The following MAP3K20 variants were observed in gnomAD, a reference collection of about 807,000 sequenced individuals.
The protein encoded by MAP3K20 is HCCS-4.
MAP3K20 carries 40 observed loss-of-function variants against 85.7 expected under a neutral mutation model. That is an observed-to-expected ratio of 0.47 (90% CI 0.36 to 0.61). The LOEUF (loss-of-function observed/expected upper bound fraction) is 0.61. Ranked by LOEUF, MAP3K20 falls within the 20% of genes least tolerant of loss-of-function variation. The pLI is 0.00. For synonymous variants in MAP3K20, 325 were observed against 327.7 expected (o/e 0.99, Z 0.09); for missense variants, 817 against 961.7 (o/e 0.85, Z 1.99).
chr2:173,246,451 G>A (rs376362881), intron 16 of MAP3K20, among the ~76,000 whole-genome samples: 2 of 152,074 alleles, frequency 1.3e-5, no homozygotes, highest in African/African-American at 4.8e-5. Context: ...CCCCAGGGTG[G>A]CAACCACCCC....
chr2:173,234,102 T>C (rs1684590377), intron 14 of MAP3K20, among the ~76,000 whole-genome samples: 1 of 152,224 alleles, frequency 6.6e-6, no homozygotes, highest in Non-Finnish European at 1.5e-5. Flanking sequence ...AAAGAAATTT[T>C]GTAAATCTTG....
chr2:173,207,231 G>A (rs936248964), intron 9 of MAP3K20, among the ~76,000 whole-genome samples: 26 of 152,176 alleles, frequency 1.7e-4, no homozygotes, highest in African/African-American at 6.3e-4. Context: ...AGTGGCTCAC[G>A]TCTGTAATCC....
At chr2:173,219,036 G>C (rs1041675681) in intron 11 of MAP3K20, among the ~76,000 whole-genome samples, 1 of 151,998 alleles carries the variant, frequency 6.6e-6, no homozygotes, top group Admixed American at 6.6e-5. Flanking sequence ...TTTCTTTACA[G>C]TACTTGCTTT....
chr2:173,202,740 A>G (rs1307437379), intron 8 of MAP3K20, among the ~76,000 whole-genome samples: 1 of 152,212 alleles, frequency 6.6e-6, no homozygotes, highest in Admixed American at 6.5e-5. Context: ...CAGCAGCTAC[A>G]AATGCACCCG....
chr2:173,161,426 C>G (rs1260476647), intron 2 of MAP3K20, among the ~76,000 whole-genome samples: 3 of 152,222 alleles, frequency 2.0e-5, no homozygotes, highest in Non-Finnish European at 2.9e-5. Context: ...TTACTCTTCT[C>G]ACTGTACGGT....
At chr2:173,242,817 C>A (rs1035006019) in intron 16 of MAP3K20, among the ~76,000 whole-genome samples, 5 of 150,524 alleles carry the variant, frequency 3.3e-5, no homozygotes, top group Non-Finnish European at 7.4e-5. Flanking sequence ...AGCAATTCTC[C>A]TGCCTCAGCC....
At chr2:173,131,060 T>C (rs560144577) in intron 2 of MAP3K20, among the ~76,000 whole-genome samples, 86 of 152,318 alleles carry the variant, frequency 5.6e-4, no homozygotes, top group South Asian at 1.9e-3. Context: ...ACAGTTTTTG[T>C]CTGCCTCGAT....
At chr2:173,140,203 G>T (rs1244705369) in intron 2 of MAP3K20, among the ~76,000 whole-genome samples, 1 of 152,086 alleles carries the variant, frequency 6.6e-6, no homozygotes, top group Non-Finnish European at 1.5e-5. Context: ...GTAGAGATGG[G>T]ATTTTGCCAT....
intron 1 of MAP3K20, among the ~76,000 whole-genome samples, chr2:173,085,987 G>A (rs1687136442): frequency 6.6e-6 from 1 of 151,322 alleles, no homozygotes; most frequent in South Asian, 2.1e-4. Flanking sequence ...GTAGAGATGG[G>A]GTTTTGCCAT....
chr2:173,253,945 C>A (rs534400468), intron 16 of MAP3K20, among the ~76,000 whole-genome samples: 1 of 152,072 alleles, frequency 6.6e-6, no homozygotes, highest in East Asian at 1.9e-4. Flanking sequence ...GTGACACACG[C>A]CTGTGGTCCC....
chr2:173,242,931 T>C, intron 16 of MAP3K20, among the ~76,000 whole-genome samples: 1 of 152,044 alleles, frequency 6.6e-6, no homozygotes, highest in Admixed American at 6.6e-5. Flanking sequence ...GGTCTCGAGC[T>C]CCTGACCTCG....
intron 18 of MAP3K20, among the ~76,000 whole-genome samples, chr2:173,262,368 G>A (rs1685317031): frequency 6.6e-6 from 1 of 152,184 alleles, no homozygotes; most frequent in Non-Finnish European, 1.5e-5. Flanking sequence ...GGGAGGCCAA[G>A]GCGGGTGGAT....
At chr2:173,195,644 T>C (rs1690805337) in intron 7 of MAP3K20, among the ~76,000 whole-genome samples, 1 of 150,404 alleles carries the variant, frequency 6.6e-6, no homozygotes, top group Admixed American at 6.7e-5. Flanking sequence ...TTGTTTAGTG[T>C]GGAAAAAAAA....
chr2:173,254,358 T>A (rs7602590), intron 16 of MAP3K20, among the ~76,000 whole-genome samples: 2 of 147,128 alleles, frequency 1.4e-5, no homozygotes, highest in Admixed American at 1.4e-4. Flanking sequence ...GGTGTGAACC[T>A]AGGGGGTGGA....
At chr2:173,263,921 G>A in intron 19 of MAP3K20, 26 bp downstream of exon 19, 1 of 1,595,280 alleles carries the variant, frequency 6.3e-7, no homozygotes, top group Non-Finnish European at 8.5e-7. Context: ...CGTATTAGAT[G>A]TGTGCTAGAT....
At chr2:173,075,532 T>G, upstream of MAP3K20, 1 of 158,532 alleles carries the variant, frequency 6.3e-6, no homozygotes, top group Non-Finnish European at 1.4e-5. Context: ...ACAGCCTCTA[T>G]TTCTTTGCGT....
rs1274644433 is a variant in MAP3K20 at position 173,134,428 on chromosome 2, A to ATTTTTTTTTTTTTT, written c.160-35371_160-35358dup. On this transcript the variant is annotated intron_variant, in intron 2 of 19. Transcript: ENST00000375213. The stretch of plus-strand genomic sequence containing the variant: ...TATATATATATATATATATATATAT[A>ATTTTTTTTTTTTTT]TTTTTTTTTTTTTTTTTTTGCAGAG... Among the ~76,000 whole-genome samples the ATTTTTTTTTTTTTT allele has an allele frequency of 9.8e-3, 31 of 3,160 alleles. 5 individuals are homozygous for ATTTTTTTTTTTTTT. Among genetic ancestry groups the ATTTTTTTTTTTTTT allele is most frequent in the South Asian group, 0.036 (2 of 56 alleles). 2.1% of individuals were successfully genotyped at this position (3,160 alleles called of 152,430 possible). A position where few individuals can be genotyped will look rare whatever the true frequency, so the allele number is the denominator to read the frequency against.
intron 2 of MAP3K20, among the ~76,000 whole-genome samples, chr2:173,113,914 A>T (rs562533391): frequency 6.6e-6 from 1 of 151,654 alleles, no homozygotes; most frequent in East Asian, 1.9e-4. Flanking sequence ...ATTTGTTCTG[A>T]GGTATAGTGT....
At chr2:173,224,108 T>A in intron 11 of MAP3K20, 1 of 835,598 alleles carries the variant, frequency 1.2e-6, no homozygotes, top group Non-Finnish European at 1.4e-6. Flanking sequence ...AAATGCATCA[T>A]ATGTTCACAT....
Sources: gnomAD v4.1 joint callset for allele counts (sites outside exome capture counted in the v4.1 genomes callset) on GRCh38, gnomAD v4.1.1 for gene constraint, MANE v1.5 for transcripts, NCBI Gene and HGNC (gene_info 2026-07-23, HGNC 2026-07-21) for gene names.